The following ATRNL1 variants were observed in gnomAD, a reference collection of about 807,000 sequenced individuals.
The protein encoded by ATRNL1 is attractin like 1.
ATRNL1 carries 95 observed loss-of-function variants against 182.7 expected under a neutral mutation model. That is an observed-to-expected ratio of 0.52 (90% CI 0.44 to 0.62). The LOEUF (loss-of-function observed/expected upper bound fraction) is 0.62, where lower values mean the gene tolerates loss of function less well. Ranked by LOEUF, ATRNL1 falls within the 20% of genes least tolerant of loss-of-function variation. The pLI is 0.00. For missense variants in ATRNL1, 1,471 were observed against 1,679.5 expected (o/e 0.88, Z 2.17); for synonymous variants, 576 against 568.3 (o/e 1.01, Z -0.19).
At chr10:115,628,304 A>C (rs954274924) in intron 26 of ATRNL1, among the ~76,000 whole-genome samples, 6 of 152,054 alleles carry the variant, frequency 3.9e-5, no homozygotes, top group African/African-American at 9.7e-5. Flanking sequence ...GGCGTATCTC[A>C]TTTTGGTTAT....
chr10:115,522,546 G>A (rs1850997861), intron 25 of ATRNL1, among the ~76,000 whole-genome samples: 1 of 152,128 alleles, frequency 6.6e-6, no homozygotes, highest in Non-Finnish European at 1.5e-5. Flanking sequence ...GTGCTTTGGA[G>A]GGTCAAATAT....
intron 28 of ATRNL1, among the ~76,000 whole-genome samples, chr10:115,852,124 G>T (rs932031424): frequency 2.6e-5 from 4 of 152,118 alleles, no homozygotes; most frequent in Non-Finnish European, 5.9e-5. Context: ...TTTTCTCACT[G>T]AATCAAAAAT....
intron 28 of ATRNL1, among the ~76,000 whole-genome samples, chr10:115,942,647 C>T (rs1034183147): frequency 2.6e-5 from 4 of 152,214 alleles, no homozygotes; most frequent in Admixed American, 2.0e-4. Flanking sequence ...TGATATTCTA[C>T]GTAGGATAAG....
intron 5 of ATRNL1, among the ~76,000 whole-genome samples, chr10:115,131,387 T>C (rs1454913089): frequency 6.6e-6 from 1 of 152,144 alleles, no homozygotes; most frequent in Non-Finnish European, 1.5e-5. Flanking sequence ...AATTGATATG[T>C]TTGAAGGAGG....
intron 24 of ATRNL1, among the ~76,000 whole-genome samples, chr10:115,491,906 TG>T (rs1169290388): frequency 6.6e-6 from 1 of 152,192 alleles, no homozygotes; most frequent in African/African-American, 2.4e-5. Context: ...CCTGGTCTGC[TG>T]GTTGCGTAGA....
At chr10:115,821,000 T>C (rs1182465131) in intron 27 of ATRNL1, among the ~76,000 whole-genome samples, 2 of 152,036 alleles carry the variant, frequency 1.3e-5, no homozygotes, top group African/African-American at 2.4e-5. Flanking sequence ...TGTAAGGGGC[T>C]CTTTCCCCTT....
At chr10:115,471,309 G>A (rs186487592) in intron 24 of ATRNL1, among the ~76,000 whole-genome samples, 208 of 151,058 alleles carry the variant, frequency 1.4e-3, no homozygotes, top group African/African-American at 4.6e-3. Context: ...AAGAATGTGA[G>A]AGTGCAGCTG....
intron 19 of ATRNL1, among the ~76,000 whole-genome samples, chr10:115,375,968 CTTTCA>C (rs1187376104): frequency 6.6e-6 from 1 of 152,084 alleles, no homozygotes; most frequent in Non-Finnish European, 1.5e-5. Context: ...ACTTATCATA[CTTTCA>C]TTTCAAATTG....
intron 22 of ATRNL1, among the ~76,000 whole-genome samples, chr10:115,466,458 C>T (rs1848057255): frequency 1.3e-5 from 2 of 151,136 alleles, no homozygotes; most frequent in Non-Finnish European, 3.0e-5. Flanking sequence ...GTAAATATAC[C>T]TACTTTCTGC....
intron 19 of ATRNL1, among the ~76,000 whole-genome samples, chr10:115,379,981 C>A (rs1372960094): frequency 6.6e-6 from 1 of 152,156 alleles, no homozygotes; most frequent in Non-Finnish European, 1.5e-5. Context: ...TGCCCACCAC[C>A]ATGCCCAGCT....
intron 19 of ATRNL1, among the ~76,000 whole-genome samples, chr10:115,355,943 G>A (rs1856485804): frequency 1.3e-5 from 2 of 152,020 alleles, no homozygotes; most frequent in Non-Finnish European, 1.5e-5. Context: ...GGAAAAAAGA[G>A]TTCTTTCAAC....
chr10:115,305,575 G>A lies in ATRNL1; in HGVS notation c.2818+3532G>A, dbSNP rs73363458. Among the ~76,000 whole-genome samples the A allele has an allele frequency of 8.5e-3, 1,294 of 152,248 alleles. 19 individuals are homozygous for A. The highest frequency in any genetic ancestry group is 0.029 in the African/African-American group (1,197 of 41,558). On this transcript the variant is annotated intron_variant, in intron 17 of 28. Coordinates refer to ENST00000355044, the MANE Select transcript of ATRNL1 (RefSeq NM_207303.4). ...CTGCCCAGGAGAGTTGAATACAAGA[G>A]TTGAAGACTTGTGGGGAATGAGACA...
In ATRNL1 at chr10:115,215,768, T is replaced by G; in HGVS notation, c.1420T>G (p.Tyr474Asp). The stretch of plus-strand genomic sequence containing the variant: ...AGGTGGATATGGCCATACTAGTGTG[T>G]ATGATGAAATAACAAAGTCCATTTA... ...VQGGYGHTSVYDEITKSIYVH... is the reference protein window; with the variant it reads ...VQGGYGHTSVDDEITKSIYVH... The change falls in exon 9 of 29, where the codon TAT becomes GAT. Residue 474 changes from tyrosine to aspartate, a missense_variant. By Grantham distance (160) the Tyr-to-Asp change is radical. This residue lies in a region of ATRNL1 where 1,031 missense variants were observed against 1,156.0 expected (regional missense o/e 0.89). Coordinates refer to ENST00000355044, the MANE Select transcript of ATRNL1 (RefSeq NM_207303.4). The G allele has an allele frequency of 6.2e-7, 1 of 1,610,294 alleles. No individual in the cohort carries two copies. The highest frequency in any genetic ancestry group is 8.5e-7 in the Non-Finnish European group (1 of 1,178,596).
intron 18 of ATRNL1, among the ~76,000 whole-genome samples, chr10:115,322,576 A>C (rs1554931855): frequency 6.6e-6 from 1 of 152,142 alleles, no homozygotes; most frequent in Non-Finnish European, 1.5e-5. Flanking sequence ...TTATTATTAC[A>C]CAGTAATTAC....
At chr10:115,354,616 T>C (rs547930474) in intron 19 of ATRNL1, among the ~76,000 whole-genome samples, 4 of 152,274 alleles carry the variant, frequency 2.6e-5, no homozygotes, top group Admixed American at 2.6e-4. Flanking sequence ...TCTAGGATGA[T>C]TCTTTCATCT....
intron 27 of ATRNL1, among the ~76,000 whole-genome samples, chr10:115,842,420 A>G (rs1331243393): frequency 1.3e-5 from 2 of 152,108 alleles, no homozygotes; most frequent in Non-Finnish European, 2.9e-5. Context: ...ACAAACTATT[A>G]GATACTGGTA....
chr10:115,625,162 T>C (rs929292207), intron 26 of ATRNL1, among the ~76,000 whole-genome samples: 23 of 152,178 alleles, frequency 1.5e-4, no homozygotes, highest in Non-Finnish European at 2.4e-4. Context: ...TGTTAGTGGA[T>C]GCTGCCTTTA....
chr10:115,407,441 A>G (rs1357455769), intron 20 of ATRNL1, among the ~76,000 whole-genome samples: 1 of 151,408 alleles, frequency 6.6e-6, no homozygotes, highest in Non-Finnish European at 1.5e-5. Flanking sequence ...CTATGAGATC[A>G]ACTTTTTTTT....
At chr10:115,436,857 A>C (rs11818924) in intron 21 of ATRNL1, among the ~76,000 whole-genome samples, 1 of 152,024 alleles carries the variant, frequency 6.6e-6, no homozygotes, top group African/African-American at 2.4e-5. Context: ...TTTTTCCTCT[A>C]TTGAAGCTTA....
Sources: allele counts gnomAD v4.1 joint callset (sites outside exome capture counted in the v4.1 genomes callset), GRCh38; gene constraint gnomAD v4.1.1; regional missense constraint gnomAD v4.1.1; transcripts MANE v1.5; gene names NCBI Gene and HGNC (gene_info 2026-07-23, HGNC 2026-07-21).